Variants in CYFIP1 observed in about 807,000 individuals in gnomAD.
CYFIP1 encodes the protein cytoplasmic FMR1 interacting protein 1.
In CYFIP1, 58 loss-of-function variants were observed where a neutral mutation model predicts 163.5. The observed-to-expected ratio is 0.35, with a 90% CI of 0.29 to 0.44. CYFIP1 has a LOEUF of 0.44. Ranked by LOEUF, CYFIP1 falls within the 20% of genes least tolerant of loss-of-function variation. The pLI is 1.00. For missense variants in CYFIP1, 1,338 were observed against 1,653.8 expected, an observed-to-expected ratio of 0.81 and a Z score of 3.31; for synonymous variants, 663 against 660.7, an observed-to-expected ratio of 1.00 and a Z score of -0.05.
intron 1 of CYFIP1, among the ~76,000 whole-genome samples, chr15:22,971,106 A>G (rs111319770): frequency 0.01 from 1,540 of 152,276 alleles, 22 homozygotes; most frequent in Non-Finnish European, 0.014. Flanking sequence ...CACAAAAAAG[A>G]AAAGTTAATT....
chr15:22,903,027 GCTC>G (rs1370717029), intron 22 of CYFIP1, among the ~76,000 whole-genome samples: 1 of 152,164 alleles, frequency 6.6e-6, no homozygotes, highest in African/African-American at 2.4e-5. Context: ...TTGTAAAAGT[GCTC>G]CTAACACTCG....
intron 12 of CYFIP1, among the ~76,000 whole-genome samples, 174 bp from the exon 13 acceptor site, chr15:22,926,281 C>G (rs1163595322): frequency 6.6e-6 from 1 of 152,232 alleles, no homozygotes; most frequent in Non-Finnish European, 1.5e-5. Flanking sequence ...GCAAAAGACC[C>G]TGGCCCTGTA....
In CYFIP1 at chr15:22,873,685, G is replaced by A. The variant is rs2059499659; in HGVS notation, c.3255C>T (p.Arg1085=). ...CAAACATGGACAGGCCGCAGCAGAG[G>A]CGCTCCTTTGTCAGCAGGTCCCCCT... ...AREGDLLTKE[R]LCCGLSMFEV... Residue 1085 remains arginine (R), a synonymous_variant, in exon 29 of 31, where the codon CGC becomes CGT. Transcript: ENST00000617928. The A allele has an allele frequency of 1.2e-6, 2 of 1,613,960 alleles. No homozygotes were observed. The highest frequency in any genetic ancestry group is 8.5e-7 in the Non-Finnish European group (1 of 1,179,902).
chr15:22,916,826 A>G, intron 15 of CYFIP1, 196 bp from the exon 16 acceptor site: 3 of 1,558,282 alleles, frequency 1.9e-6, no homozygotes, highest in Non-Finnish European at 2.6e-6. Context: ...AACAACTTGT[A>G]GCGGAGCAGT....
chr15:22,975,168 TTTATG>T (rs1425239004), intron 1 of CYFIP1, among the ~76,000 whole-genome samples: 1 of 152,142 alleles, frequency 6.6e-6, no homozygotes, highest in African/African-American at 2.4e-5. Context: ...TAATCAACTG[TTTATG>T]TTATCAGTAA....
At chr15:22,913,141 A>G (rs1417561711) in intron 17 of CYFIP1, among the ~76,000 whole-genome samples, 1 of 151,542 alleles carries the variant, frequency 6.6e-6, no homozygotes, top group Non-Finnish European at 1.5e-5. Context: ...AGCTGCAGTG[A>G]GCTGTCTTTG....
intron 3 of CYFIP1, among the ~76,000 whole-genome samples, chr15:22,945,728 A>C (rs1368520413): frequency 6.6e-6 from 1 of 150,562 alleles, no homozygotes; most frequent in Non-Finnish European, 1.5e-5. Context: ...TGTGCGCACC[A>C]CCATGCCTGG....
chr15:22,878,111 A>G (rs2059636084), intron 26 of CYFIP1, among the ~76,000 whole-genome samples: 2 of 152,176 alleles, frequency 1.3e-5, no homozygotes, highest in South Asian at 4.1e-4. Context: ...ACAACATAGG[A>G]AAGGCCTCCC....
In CYFIP1 at chr15:22,879,853, C is replaced by CAGGTGGGGTG. The variant is rs2059699723; in HGVS notation, c.3042+59_3042+60insCACCCCACCT. On this transcript the variant is annotated intron_variant, in intron 26 of 30. Transcript: ENST00000617928. ...CCCGCCAAAGAAAGCCCTCCCCTGG[C>CAGGTGGGGTG]CGGTGGGGTGGGGTGGGGTGGGCTG... 7.4e-6 allele frequency: 9 copies of CAGGTGGGGTG among 1,212,900 alleles called. No individual in the cohort carries two copies. In the Admixed American group the frequency reaches 8.9e-5, roughly 12 times the overall value. 75.1% of individuals were successfully genotyped at this position (1,212,900 alleles called of 1,614,324 possible). A position where few individuals can be genotyped will look rare whatever the true frequency, so the allele number is the denominator to read the frequency against.
chr15:22,944,825 G>T lies in CYFIP1; in HGVS notation c.285+37C>A, dbSNP rs756716062. The T allele has an allele frequency of 2.5e-6, 4 of 1,602,398 alleles. No individual in the cohort carries two copies. In the South Asian group the frequency reaches 4.4e-5, roughly 18 times the overall value. On this transcript the variant is annotated intron_variant, in intron 4 of 30. Transcript: ENST00000617928. ...TGTGGTGTGGCAGGGGCCTGGCAGG[G>T]TGTGGCTGGAGGGGAAGAGCCAGGC...
intron 28 of CYFIP1, among the ~76,000 whole-genome samples, 184 bp from the exon 29 acceptor site, chr15:22,873,913 A>T (rs556877419): frequency 6.6e-6 from 1 of 152,272 alleles, no homozygotes; most frequent in Admixed American, 6.5e-5. Context: ...GCATGCCACC[A>T]CACCCGGATA....
chr15:22,894,862 T>TA (rs1241145584), intron 22 of CYFIP1, among the ~76,000 whole-genome samples: 2,531 of 113,474 alleles, frequency 0.022, 30 homozygotes, highest in South Asian at 0.058. Context: ...TATTATATAT[T>TA]TTATATATAT....
At chr15:22,976,244 G>A (rs907876218) in intron 1 of CYFIP1, among the ~76,000 whole-genome samples, 2 of 151,286 alleles carry the variant, frequency 1.3e-5, no homozygotes, top group Non-Finnish European at 2.9e-5. Flanking sequence ...CACAACCTCC[G>A]CCTCCCGGGT....
At chr15:22,949,297 A>C (rs117648201) in intron 1 of CYFIP1, among the ~76,000 whole-genome samples, 2 of 81,644 alleles carry the variant, frequency 2.4e-5, no homozygotes, top group Admixed American at 2.3e-4. Flanking sequence ...GCGGGCCGGA[A>C]GGCGGGCACA....
Position 22,903,768 on chromosome 15 carries a change from G to A in CYFIP1, c.2526C>T (p.His842=), listed in dbSNP as rs761590509. The change falls in exon 22 of 31, where the codon CAC becomes CAT. Residue 842 remains histidine (H), a synonymous_variant. Coordinates refer to ENST00000617928, the MANE Select transcript of CYFIP1 (RefSeq NM_014608.6). ...VSAPYGRITL[H]VFWELNYDFL... ...AGTCATAGTTGAGCTCCCAGAAGACGTGCAGGGTGATCCTCCCGTAGGGCG... is the reference window on the plus strand; with the variant it reads ...AGTCATAGTTGAGCTCCCAGAAGACATGCAGGGTGATCCTCCCGTAGGGCG... The A allele has an allele frequency of 7.4e-5, 120 of 1,614,070 alleles. No individual in the cohort carries two copies. Among genetic ancestry groups the A allele is most frequent in the South Asian group, 9.9e-5 (9 of 91,096 alleles).
chr15:22,926,206 C>T, intron 12 of CYFIP1, 99 bp from the exon 13 acceptor site: 1 of 1,546,804 alleles, frequency 6.5e-7, no homozygotes, highest in Non-Finnish European at 8.8e-7. Flanking sequence ...GGCCAGCCTT[C>T]AAACCTTTGC....
At chr15:22,950,316 G>C (rs2062205613) in intron 1 of CYFIP1, among the ~76,000 whole-genome samples, 1 of 152,164 alleles carries the variant, frequency 6.6e-6, no homozygotes, top group Admixed American at 6.5e-5. Flanking sequence ...AGGTGAACCA[G>C]GCAAGCGCTG....
chr15:22,943,674 T>C (rs1284057680), intron 5 of CYFIP1, among the ~76,000 whole-genome samples: 2 of 152,238 alleles, frequency 1.3e-5, no homozygotes, highest in East Asian at 1.9e-4. Context: ...GTTCTAACTT[T>C]CAGAAGTGAA....
In CYFIP1 at chr15:22,916,506, A is replaced by G; in HGVS notation, c.1799T>C (p.Phe600Ser). Residue 600 changes from phenylalanine to serine, a missense_variant, in exon 16 of 31, where the codon TTC becomes TCC. Coordinates refer to ENST00000617928, the MANE Select transcript of CYFIP1 (RefSeq NM_014608.6). ...GAAATTTATCAAGTGAGTGTAGAAG[A>G]ATGACTCTCGATGAAATTTTTCTAT... Reference protein sequence around the residue: ...LDIEKFHRESFFYTHLINFSE... With the variant: ...LDIEKFHRESSFYTHLINFSE... 1.2e-6 allele frequency: 2 copies of G among 1,613,580 alleles called. No homozygotes were observed. The highest frequency in any genetic ancestry group is 1.7e-6 in the Non-Finnish European group (2 of 1,179,644).
Sources: gnomAD v4.1 joint callset for allele counts (sites outside exome capture counted in the v4.1 genomes callset) on GRCh38, gnomAD v4.1.1 for gene constraint, MANE v1.5 for transcripts, NCBI Gene and HGNC (gene_info 2026-07-23, HGNC 2026-07-21) for gene names.